The following AGPAT3 variants were observed in gnomAD, a reference collection of about 807,000 sequenced individuals.
AGPAT3 encodes 1-acyl-sn-glycerol-3-phosphate acyltransferase gamma.
In AGPAT3, 5 loss-of-function variants were observed where a neutral mutation model predicts 47.3. The ratio of observed to expected loss-of-function variants is 0.11; its 90% CI spans 0.06 to 0.22. The LOEUF (loss-of-function observed/expected upper bound fraction) is 0.22, where lower values mean the gene tolerates loss of function less well. Ranked by LOEUF, AGPAT3 falls within the 10% of genes least tolerant of loss-of-function variation. The pLI is 1.00. For missense variants in AGPAT3, 315 were observed against 493.0 expected, an observed-to-expected ratio of 0.64 and a Z score of 3.42; for synonymous variants, 212 against 208.3, an observed-to-expected ratio of 1.02 and a Z score of -0.15.
At chr21:43,980,299 A>C (rs1423763210) in intron 8 of AGPAT3, among the ~76,000 whole-genome samples, 2 of 151,486 alleles carry the variant, frequency 1.3e-5, no homozygotes, top group Admixed American at 6.6e-5. Context: ...AAACAAAAAA[A>C]AACGAGAGAG....
At chr21:43,956,155 C>G (rs2088453071) in intron 2 of AGPAT3, among the ~76,000 whole-genome samples, 1 of 152,162 alleles carries the variant, frequency 6.6e-6, no homozygotes, top group Non-Finnish European at 1.5e-5. Context: ...GCGGCCCCCA[C>G]CCTGTACAAC....
At position 43,970,825 on chromosome 21, in the gene AGPAT3, G is replaced by A. The variant is rs561940137; in HGVS notation, c.664+19G>A. On this transcript the variant is annotated intron_variant, in intron 6 of 9. Coordinates refer to ENST00000291572, the MANE Select transcript of AGPAT3 (RefSeq NM_020132.5). This position sits in a 1 kb window ranked among gnomAD's most constrained non-coding sequence, Gnocchi z 5.8. ...GGGACAGGTAGGCCCCAGACTGCCC[G>A]AGCCGGGGCCACCGCTATGCTCACG... The A allele has an allele frequency of 8.8e-4, 1,330 of 1,514,648 alleles. 19 individuals are homozygous for A. The South Asian group carries it at 0.013, about 14-fold the overall frequency. The allele number at this position is 1,514,648 out of a possible 1,614,324, so 93.8% of individuals were successfully genotyped here. A position where few individuals can be genotyped will look rare whatever the true frequency, so the allele number is the denominator to read the frequency against.
At chr21:43,940,305 G>T (rs575123718) in intron 2 of AGPAT3, among the ~76,000 whole-genome samples, 1 of 152,252 alleles carries the variant, frequency 6.6e-6, no homozygotes, top group Non-Finnish European at 1.5e-5. Flanking sequence ...CCCTGCTGGC[G>T]GTGGCTTTGG....
intron 2 of AGPAT3, among the ~76,000 whole-genome samples, chr21:43,928,639 A>C (rs1269649991): frequency 6.6e-6 from 1 of 152,218 alleles, no homozygotes; most frequent in African/African-American, 2.4e-5. Flanking sequence ...TAATCGTGAT[A>C]ATTGTTCCAA....
At chr21:43,924,416 A>T (rs1307818607) in intron 2 of AGPAT3, among the ~76,000 whole-genome samples, 1 of 152,206 alleles carries the variant, frequency 6.6e-6, no homozygotes, top group African/African-American at 2.4e-5. Flanking sequence ...ATTACAAGGA[A>T]TTTATGAGCT....
chr21:43,938,815 C>A (rs79961485), intron 2 of AGPAT3, among the ~76,000 whole-genome samples: 2 of 152,136 alleles, frequency 1.3e-5, no homozygotes, highest in Non-Finnish European at 2.9e-5. Context: ...GCTTAGCGGG[C>A]GATTCTGGGT....
intron 4 of AGPAT3, 31 bp downstream of exon 4, chr21:43,968,146 G>T (rs770738772): frequency 6.3e-7 from 1 of 1,594,518 alleles, no homozygotes; most frequent in South Asian, 1.1e-5. Flanking sequence ...GGCCACGGGT[G>T]AGCAGGAGGG....
At chr21:43,873,216 C>G (rs1569039197) in intron 1 of AGPAT3, among the ~76,000 whole-genome samples, 3 of 152,136 alleles carry the variant, frequency 2.0e-5, no homozygotes, top group African/African-American at 7.2e-5. Context: ...CTCTCAATGC[C>G]TGTCTCCAAA....
chr21:43,888,334 C>A (rs1273385551), intron 1 of AGPAT3, among the ~76,000 whole-genome samples: 1 of 152,176 alleles, frequency 6.6e-6, no homozygotes, highest in African/African-American at 2.4e-5. Context: ...ATCACTGCAC[C>A]CAGCTTGGTT....
At chr21:43,964,596 C>A (rs949088967) in intron 3 of AGPAT3, among the ~76,000 whole-genome samples, 1 of 152,152 alleles carries the variant, frequency 6.6e-6, no homozygotes, top group African/African-American at 2.4e-5. Context: ...AAAGGTAAAT[C>A]TCTTTTGTTA....
chr21:43,961,430 A>G (rs2088831762), intron 3 of AGPAT3, among the ~76,000 whole-genome samples: 1 of 150,650 alleles, frequency 6.6e-6, no homozygotes, highest in African/African-American at 2.4e-5. Context: ...GTGAGCGCAT[A>G]GACACTTTGT....
At position 43,930,804 on chromosome 21, in the gene AGPAT3, C is replaced by T. The variant is rs893122860; in HGVS notation, c.-49+26785C>T. Among the ~76,000 whole-genome samples, 12 of 152,102 alleles carry T rather than the reference C, an allele frequency of 7.9e-5. No homozygotes were observed. Among genetic ancestry groups the T allele is most frequent in the Non-Finnish European group, 1.8e-4 (12 of 68,006 alleles). ...TGGCTCCTCACGGTGGCCGGGGTGG[C>T]CCACGGCAGGCCAGTGTGCGGTCCT... On this transcript the variant is annotated intron_variant, in intron 2 of 9. Transcript: ENST00000291572. The surrounding 1 kb of genome is among the most constrained non-coding windows in gnomAD (Gnocchi z 5.0).
chr21:43,964,312 G>T (rs1349226892), intron 3 of AGPAT3, among the ~76,000 whole-genome samples: 1 of 152,122 alleles, frequency 6.6e-6, no homozygotes, highest in East Asian at 1.9e-4. Context: ...TTGACCCTGG[G>T]AGGTGGAGGT....
rs1351859370 is a variant in AGPAT3 at position 43,939,834 on chromosome 21, C to T, written c.-48-19800C>T. On this transcript the variant is annotated intron_variant, in intron 2 of 9. Coordinates refer to ENST00000291572, the MANE Select transcript of AGPAT3 (RefSeq NM_020132.5). This position sits in a 1 kb window ranked among gnomAD's most constrained non-coding sequence, Gnocchi z 4.4. Reference sequence around the variant, plus strand: ...TAGGGGTCTGTGCTGGGGTGGGGCTCGTTGACCTGCATCCTGGCTGGCCCT... The same window carrying T: ...TAGGGGTCTGTGCTGGGGTGGGGCTTGTTGACCTGCATCCTGGCTGGCCCT... 1.3e-5 allele frequency among the ~76,000 whole-genome samples: 2 copies of T among 152,184 alleles called. No individual in the cohort carries two copies. The highest frequency in any genetic ancestry group is 6.5e-5 in the Admixed American group (1 of 15,276).
rs2087280738 is a variant in AGPAT3 at position 43,932,375 on chromosome 21, C to A, written c.-48-27259C>A. 6.6e-6 allele frequency among the ~76,000 whole-genome samples: 1 copy of A among 152,208 alleles called. No individual in the cohort carries two copies. Among genetic ancestry groups the A allele is most frequent in the Non-Finnish European group, 1.5e-5 (1 of 68,040 alleles). On this transcript the variant is annotated intron_variant, in intron 2 of 9. Coordinates refer to ENST00000291572, the MANE Select transcript of AGPAT3 (RefSeq NM_020132.5). This position sits in a 1 kb window ranked among gnomAD's most constrained non-coding sequence, Gnocchi z 5.2. Reference sequence around the variant, plus strand: ...TCGTGCAGGACTTGTCGTTCTGTGACTGGCTGATTATCCACTTAGTGTCGG... The same window carrying A: ...TCGTGCAGGACTTGTCGTTCTGTGAATGGCTGATTATCCACTTAGTGTCGG...
In AGPAT3 at chr21:43,955,947, G is replaced by A. The variant is rs912501771; in HGVS notation, c.-48-3687G>A. Among the ~76,000 whole-genome samples, 3 of 151,874 alleles carry A rather than the reference G, an allele frequency of 2.0e-5. No homozygotes were observed. The highest frequency in any genetic ancestry group is 6.5e-5 in the Admixed American group (1 of 15,268). ...TTCCTGTACTTTGCGCCGTAGCAAC[G>A]GAATCAGCAGGTCTGCTGTGGAGCC... On this transcript the variant is annotated intron_variant, in intron 2 of 9. Transcript: ENST00000291572. This position sits in a 1 kb window ranked among gnomAD's most constrained non-coding sequence, Gnocchi z 4.1.
At position 43,924,667 on chromosome 21, in the gene AGPAT3, C is replaced by T. The variant is rs542017923; in HGVS notation, c.-49+20648C>T. Among the ~76,000 whole-genome samples the T allele has an allele frequency of 1.1e-3, 168 of 152,336 alleles. 1 individual carries two copies. Among genetic ancestry groups the T allele is most frequent in the African/African-American group, 2.6e-4 (11 of 41,570 alleles). ...CCCGGCTTCTGTCCTAGCTGTGGCT[C>T]GCTGGTCTCGAGATGGCTGCCTTGC... On this transcript the variant is annotated intron_variant, in intron 2 of 9. Transcript: ENST00000291572.
rs562441007 is a variant in AGPAT3 at position 43,986,806 on chromosome 21, A to G, written c.*4414A>G. ...CCAGTTTCAAAGGGACCCATTGTAT[A>G]CAGGGTGCAAATGTATTATACGGAT... On this transcript the variant is annotated 3_prime_UTR_variant, in exon 10 of 10. Coordinates refer to ENST00000291572, the MANE Select transcript of AGPAT3 (RefSeq NM_020132.5). 6.6e-6 allele frequency among the ~76,000 whole-genome samples: 1 copy of G among 152,360 alleles called. No homozygotes were observed. Among genetic ancestry groups the G allele is most frequent in the East Asian group, 1.9e-4 (1 of 5,192 alleles).
intron 1 of AGPAT3, among the ~76,000 whole-genome samples, chr21:43,881,329 C>T (rs1048243116): frequency 6.6e-6 from 1 of 152,174 alleles, no homozygotes; most frequent in African/African-American, 2.4e-5. Context: ...ACTATAAATA[C>T]TTTAGAAGGC....
Sources: allele counts gnomAD v4.1 joint callset (sites outside exome capture counted in the v4.1 genomes callset), GRCh38; gene constraint gnomAD v4.1.1; non-coding constraint Gnocchi (gnomAD v3.1); transcripts MANE v1.5; gene names NCBI Gene and HGNC (gene_info 2026-07-23, HGNC 2026-07-21).